The following IKZF2 variants were observed in gnomAD, a reference collection of about 807,000 sequenced individuals.
IKZF2 encodes IKAROS family zinc finger 2.
Under a neutral mutation model 49.2 loss-of-function variants are expected in IKZF2, and 15 were observed. The observed-to-expected ratio is 0.30, with a 90% CI of 0.20 to 0.47. The LOEUF (loss-of-function observed/expected upper bound fraction) is 0.47, where lower values mean the gene tolerates loss of function less well. IKZF2 is among the 20% of genes least tolerant of loss of function. The pLI is 1.00. For synonymous variants in IKZF2, 227 were observed against 221.4 expected, an observed-to-expected ratio of 1.03 and a Z score of -0.23; for missense variants, 567 against 664.6, an observed-to-expected ratio of 0.85 and a Z score of 1.61.
chr2:213,070,478 G>GATCA (rs58095683), intron 4 of IKZF2, among the ~76,000 whole-genome samples: 3,274 of 150,890 alleles, frequency 0.022, 98 homozygotes, highest in African/African-American at 0.074. Flanking sequence ...TGTATTCCAG[G>GATCA]ATCAGGGAAT....
intron 8 of IKZF2, among the ~76,000 whole-genome samples, chr2:213,009,673 C>A (rs1286765266): frequency 6.6e-6 from 1 of 152,040 alleles, no homozygotes; most frequent in Non-Finnish European, 1.5e-5. Context: ...TCTTAAAGAA[C>A]TTACAGTTTG....
intron 4 of IKZF2, among the ~76,000 whole-genome samples, chr2:213,106,568 G>C (rs1453133045): frequency 6.7e-6 from 1 of 149,916 alleles, no homozygotes; most frequent in Non-Finnish European, 1.5e-5. Flanking sequence ...CCAGGAGTTC[G>C]AGGCTGCCAC....
chr2:213,079,412 GAAGC>G (rs1468357631), intron 4 of IKZF2, among the ~76,000 whole-genome samples: 5 of 108,384 alleles, frequency 4.6e-5, no homozygotes, highest in Middle Eastern at 4.0e-3. Context: ...AGGAAGGAAG[GAAGC>G]ATGGAAGGAA....
intron 4 of IKZF2, among the ~76,000 whole-genome samples, chr2:213,081,459 C>A (rs1162934259): frequency 6.6e-6 from 1 of 151,978 alleles, no homozygotes. Flanking sequence ...GACAGAAAGT[C>A]AACAAATAAT....
chr2:213,132,983 T>C (rs533222615), intron 4 of IKZF2, among the ~76,000 whole-genome samples: 5 of 152,310 alleles, frequency 3.3e-5, no homozygotes, highest in African/African-American at 1.2e-4. Flanking sequence ...CTCAAACAGA[T>C]GAAAAGCAGA....
intron 6 of IKZF2, among the ~76,000 whole-genome samples, chr2:213,047,429 A>G (rs1700256000): frequency 1.3e-5 from 2 of 152,246 alleles, no homozygotes; most frequent in South Asian, 2.1e-4. Context: ...CTCCATAGCC[A>G]GAAGGCATGA....
chr2:213,127,979 G>T (rs2060325043), intron 4 of IKZF2, among the ~76,000 whole-genome samples: 1 of 151,686 alleles, frequency 6.6e-6, no homozygotes, highest in Admixed American at 6.6e-5. Flanking sequence ...TAATATAAAA[G>T]CAAATAGAAA....
intron 4 of IKZF2, among the ~76,000 whole-genome samples, chr2:213,097,522 T>C (rs555745302): frequency 1.3e-5 from 2 of 152,230 alleles, no homozygotes; most frequent in African/African-American, 4.8e-5. Flanking sequence ...AACCTTCACA[T>C]TTAGCCTTTA....
chr2:213,067,305 T>C (rs1435004859), intron 4 of IKZF2, among the ~76,000 whole-genome samples: 3 of 152,020 alleles, frequency 2.0e-5, no homozygotes, highest in Non-Finnish European at 4.4e-5. Context: ...TACATGGAAG[T>C]ACAGGGAAGA....
At chr2:213,065,120 A>C (rs939924782) in intron 4 of IKZF2, among the ~76,000 whole-genome samples, 1 of 151,854 alleles carries the variant, frequency 6.6e-6, no homozygotes, top group Non-Finnish European at 1.5e-5. Context: ...ATCTCTACTT[A>C]CTAGGTTTTT....
chr2:213,107,991 G>A (rs150431763), intron 4 of IKZF2, among the ~76,000 whole-genome samples: 239 of 152,274 alleles, frequency 1.6e-3, no homozygotes, highest in Middle Eastern at 6.8e-3. Context: ...TTAGGCAAAA[G>A]GAAGCAACAA....
At chr2:213,074,929 T>C (rs1270991980) in intron 4 of IKZF2, among the ~76,000 whole-genome samples, 1 of 152,186 alleles carries the variant, frequency 6.6e-6, no homozygotes, top group Non-Finnish European at 1.5e-5. Context: ...GCATGGATCC[T>C]GAAAAGGCGG....
In IKZF2 at chr2:213,078,812, C is replaced by T. The variant is rs565320916; in HGVS notation, c.140-21713G>A. The stretch of plus-strand genomic sequence containing the variant: ...AAAGAAATTCTGCTGTCATTTCCTG[C>T]CAAACCAAAGTGATTCTTCTCTCCC... On this transcript the variant is annotated intron_variant, in intron 4 of 8. Transcript: ENST00000434687. Among the ~76,000 whole-genome samples, 3 of 152,246 alleles carry T rather than the reference C, an allele frequency of 2.0e-5. No homozygotes were observed. The South Asian group carries it at 6.2e-4, about 32-fold the overall frequency.
At chr2:213,029,137 A>C (rs1698136319) in intron 6 of IKZF2, among the ~76,000 whole-genome samples, 1 of 151,900 alleles carries the variant, frequency 6.6e-6, no homozygotes. Flanking sequence ...TTTTCTTGTA[A>C]TGTCTTTGAT....
chr2:213,119,033 T>A (rs1264173505), intron 4 of IKZF2, among the ~76,000 whole-genome samples: 4 of 152,210 alleles, frequency 2.6e-5, no homozygotes, highest in African/African-American at 4.8e-5. Context: ...AATTGTTCTA[T>A]GACAGGATGG....
intron 7 of IKZF2, chr2:213,021,676 T>C (rs1409760575): frequency 2.2e-6 from 1 of 452,548 alleles, no homozygotes; most frequent in Non-Finnish European, 4.3e-6. Flanking sequence ...ACCAATTCAT[T>C]CTTTTAGGCA....
chr2:213,110,058 T>C (rs2059650843), intron 4 of IKZF2, among the ~76,000 whole-genome samples: 1 of 152,064 alleles, frequency 6.6e-6, no homozygotes, highest in Non-Finnish European at 1.5e-5. Flanking sequence ...AGCAAATTAA[T>C]GGATTACACC....
intron 6 of IKZF2, among the ~76,000 whole-genome samples, chr2:213,033,883 T>C (rs1698739742): frequency 6.6e-6 from 1 of 152,194 alleles, no homozygotes; most frequent in Non-Finnish European, 1.5e-5. Flanking sequence ...AGGCACTGAC[T>C]TCTCCTCTCT....
chr2:213,101,024 A>G (rs979024197), intron 4 of IKZF2, among the ~76,000 whole-genome samples: 5 of 151,924 alleles, frequency 3.3e-5, no homozygotes, highest in Non-Finnish European at 7.4e-5. Flanking sequence ...TGGTAGAAAG[A>G]GAGAGAGAAA....
Sources: allele counts gnomAD v4.1 joint callset (sites outside exome capture counted in the v4.1 genomes callset), GRCh38; gene constraint gnomAD v4.1.1; transcripts MANE v1.5; gene names NCBI Gene and HGNC (gene_info 2026-07-23, HGNC 2026-07-21).